PALLD: variants seen among roughly 807,000 people sequenced by gnomAD.
PALLD encodes the protein palladin, cytoskeletal associated protein, also known as palladin.
Under a neutral mutation model 123.5 loss-of-function variants are expected in PALLD, and 61 were observed. The observed-to-expected ratio is 0.49, with a 90% CI of 0.40 to 0.61. The LOEUF is 0.61. Among genes scored for constraint, PALLD ranks in the 20% least tolerant of loss-of-function variants. The probability of loss-of-function intolerance (pLI) is 0.00; values close to 1 mark genes in which losing one functional copy is unlikely to be tolerated. For synonymous variants in PALLD, 465 were observed against 496.4 expected, an observed-to-expected ratio of 0.94 and a Z score of 0.84; for missense variants, 1,273 against 1,377.0, an observed-to-expected ratio of 0.92 and a Z score of 1.20.
intron 10 of PALLD, among the ~76,000 whole-genome samples, chr4:168,724,456 A>G (rs1391247797): frequency 6.6e-6 from 1 of 152,246 alleles, no homozygotes; most frequent in African/African-American, 2.4e-5. Context: ...CATTTTCTCA[A>G]CAAATCTGAG....
At chr4:168,607,626 T>C (rs1311901219) in intron 2 of PALLD, among the ~76,000 whole-genome samples, 2 of 152,168 alleles carry the variant, frequency 1.3e-5, no homozygotes. Context: ...TTGATCTCCA[T>C]TTAACAATTG....
At chr4:168,890,655 A>C (rs1236628804) in intron 10 of PALLD, among the ~76,000 whole-genome samples, 6 of 152,062 alleles carry the variant, frequency 3.9e-5, no homozygotes, top group African/African-American at 1.2e-4. Flanking sequence ...TAAGACTTAA[A>C]TGTAGGCCTT....
At chr4:168,724,521 C>T (rs181292513) in intron 10 of PALLD, among the ~76,000 whole-genome samples, 1 of 152,320 alleles carries the variant, frequency 6.6e-6, no homozygotes, top group African/African-American at 2.4e-5. Context: ...TTGTGGATGA[C>T]AGTGGAGTCA....
chr4:168,679,252 GGT>G (rs1781254369), intron 3 of PALLD, among the ~76,000 whole-genome samples: 2 of 108,880 alleles, frequency 1.8e-5, no homozygotes, highest in Non-Finnish European at 3.8e-5. Flanking sequence ...GTGTGTGTGT[GGT>G]GTGTGGTGGG....
intron 14 of PALLD, among the ~76,000 whole-genome samples, chr4:168,902,675 G>A (rs188506438): frequency 4.6e-5 from 7 of 152,160 alleles, no homozygotes; most frequent in Admixed American, 2.0e-4. Flanking sequence ...CTTAGAACTC[G>A]GACATCCATG....
intron 10 of PALLD, among the ~76,000 whole-genome samples, chr4:168,820,778 A>C (rs1019216858): frequency 6.6e-6 from 1 of 152,162 alleles, no homozygotes; most frequent in African/African-American, 2.4e-5. Flanking sequence ...TCCAGAAGCC[A>C]GGTATCCAGG....
intron 10 of PALLD, among the ~76,000 whole-genome samples, chr4:168,757,268 A>T (rs1304145481): frequency 2.0e-5 from 3 of 152,214 alleles, no homozygotes; most frequent in African/African-American, 7.2e-5. Context: ...AAGGTGAAAA[A>T]TTTTAGATAA....
chr4:168,557,428 C>A (rs1353306703), intron 2 of PALLD, among the ~76,000 whole-genome samples: 8 of 152,156 alleles, frequency 5.3e-5, no homozygotes, highest in African/African-American at 1.9e-4. Flanking sequence ...CATTTCCAAG[C>A]AACGGATCCC....
intron 2 of PALLD, among the ~76,000 whole-genome samples, chr4:168,660,951 C>T (rs1171990272): frequency 2.6e-5 from 4 of 151,404 alleles, no homozygotes; most frequent in Admixed American, 6.6e-5. Context: ...GTCACCCAGG[C>T]TGGAGTGCAG....
At chr4:168,610,022 A>C (rs191481327) in intron 2 of PALLD, among the ~76,000 whole-genome samples, 1 of 152,192 alleles carries the variant, frequency 6.6e-6, no homozygotes, top group Non-Finnish European at 1.5e-5. Context: ...CATTCGATCC[A>C]TTTATGATAT....
chr4:168,741,957 A>G (rs1788391127), intron 10 of PALLD, among the ~76,000 whole-genome samples: 1 of 152,216 alleles, frequency 6.6e-6, no homozygotes, highest in East Asian at 1.9e-4. Flanking sequence ...TGACCAGGAC[A>G]AAAGGGGAAG....
At chr4:168,543,144 C>T (rs1561228860) in intron 2 of PALLD, among the ~76,000 whole-genome samples, 1 of 152,048 alleles carries the variant, frequency 6.6e-6, no homozygotes, top group Admixed American at 6.6e-5. Context: ...CACTTCCTAG[C>T]TCCATCATTT....
At chr4:168,655,555 G>GGTT (rs1207438698) in intron 2 of PALLD, among the ~76,000 whole-genome samples, 1 of 152,210 alleles carries the variant, frequency 6.6e-6, no homozygotes, top group Non-Finnish European at 1.5e-5. Flanking sequence ...TTGGCTCTGT[G>GGTT]GAGGGAGCCT....
intron 10 of PALLD, among the ~76,000 whole-genome samples, chr4:168,723,798 A>C (rs895807616): frequency 6.6e-6 from 1 of 151,544 alleles, no homozygotes; most frequent in African/African-American, 2.4e-5. Flanking sequence ...TATAATTACT[A>C]CTTACTTTTT....
intron 2 of PALLD, chr4:168,598,456 G>A: frequency 3.3e-6 from 2 of 612,960 alleles, no homozygotes; most frequent in Non-Finnish European, 6.4e-6. Flanking sequence ...CTGCATGACT[G>A]GTAACTGCAA....
chr4:168,589,151 A>G (rs934356041), intron 2 of PALLD, among the ~76,000 whole-genome samples: 1 of 152,246 alleles, frequency 6.6e-6, no homozygotes, highest in African/African-American at 2.4e-5. Context: ...GTGCTTTACC[A>G]TACTGTAATT....
At chr4:168,809,819 G>T (rs567380207) in intron 10 of PALLD, among the ~76,000 whole-genome samples, 1 of 151,544 alleles carries the variant, frequency 6.6e-6, no homozygotes, top group South Asian at 2.1e-4. Flanking sequence ...AGCTGAGATT[G>T]TGCCACTGCA....
intron 10 of PALLD, chr4:168,877,944 T>C: frequency 6.7e-7 from 1 of 1,499,698 alleles, no homozygotes; most frequent in Non-Finnish European, 8.9e-7. Flanking sequence ...TCCGGCTCCT[T>C]CAACTACGCG....
intron 2 of PALLD, among the ~76,000 whole-genome samples, chr4:168,573,327 A>T (rs534562119): frequency 2.6e-5 from 4 of 151,784 alleles, no homozygotes; most frequent in African/African-American, 9.7e-5. Flanking sequence ...ATTGTGTAGC[A>T]TTTACCACTC....
Sources: gnomAD v4.1 joint callset for allele counts (sites outside exome capture counted in the v4.1 genomes callset) on GRCh38, gnomAD v4.1.1 for gene constraint, MANE v1.5 for transcripts, NCBI Gene and HGNC (gene_info 2026-07-23, HGNC 2026-07-21) for gene names.